Variants in AGAP1 observed in about 807,000 individuals in gnomAD.
AGAP1 encodes the protein ArfGAP with GTPase domain, ankyrin repeat and PH domain 1.
In AGAP1, 29 loss-of-function variants were observed where a neutral mutation model predicts 105.3. The observed-to-expected ratio is 0.28, with a 90% confidence interval of 0.21 to 0.38. AGAP1 has a LOEUF of 0.38. AGAP1 is among the 10% of genes least tolerant of loss of function. The pLI is 1.00. For synonymous variants in AGAP1, 509 were observed against 485.9 expected (o/e 1.05, Z -0.63); for missense variants, 998 against 1,165.1 (o/e 0.86, Z 2.09).
chr2:235,898,890 T>C (rs2050932415), intron 10 of AGAP1, among the ~76,000 whole-genome samples: 1 of 152,184 alleles, frequency 6.6e-6, no homozygotes, highest in African/African-American at 2.4e-5. Flanking sequence ...AAGACTTCTT[T>C]AGGAAATCAG....
At chr2:236,065,893 A>T (rs1351209332) in intron 16 of AGAP1, among the ~76,000 whole-genome samples, 2 of 152,172 alleles carry the variant, frequency 1.3e-5, no homozygotes, top group African/African-American at 4.8e-5. Context: ...GCATCATTAA[A>T]CGTGACAAGT....
rs867889752 is a variant in AGAP1 at position 235,840,781 on chromosome 2, T to A, written c.1050+33450T>A. 1.5e-4 allele frequency among the ~76,000 whole-genome samples: 22 copies of A among 151,616 alleles called. 1 individual carries two copies. Among genetic ancestry groups the A allele is most frequent in the African/African-American group, 4.8e-4 (20 of 41,396 alleles). On this transcript the variant is annotated intron_variant, in intron 9 of 17. Coordinates refer to ENST00000304032, the MANE Select transcript of AGAP1 (RefSeq NM_001037131.3). Reference sequence around the variant, plus strand: ...GGAGAAAGAAGAGTTTTTTTTTTTTTTATAAATGAGGGACACTTGTGCTGA... The same window carrying A: ...GGAGAAAGAAGAGTTTTTTTTTTTTATATAAATGAGGGACACTTGTGCTGA...
At chr2:235,534,057 G>A (rs1943130568) in intron 1 of AGAP1, among the ~76,000 whole-genome samples, 1 of 152,266 alleles carries the variant, frequency 6.6e-6, no homozygotes, top group East Asian at 1.9e-4. Context: ...TCCAAACACC[G>A]TCGCTGTCGA....
chr2:235,860,161 G>A (rs560925140), intron 9 of AGAP1, among the ~76,000 whole-genome samples: 25 of 152,230 alleles, frequency 1.6e-4, no homozygotes, highest in Admixed American at 5.2e-4. Flanking sequence ...ACAGTGAAAA[G>A]ATAGTTGTCA....
intron 9 of AGAP1, among the ~76,000 whole-genome samples, chr2:235,856,839 GCCT>G (rs928462991): frequency 1.6e-4 from 24 of 152,254 alleles, no homozygotes; most frequent in African/African-American, 5.8e-4. Flanking sequence ...AGACCTGAAG[GCCT>G]CCTGCAAGTG....
rs12997985 is a variant in AGAP1 at position 235,535,067 on chromosome 2, T to A, written c.163+40218T>A. 0.51 allele frequency among the ~76,000 whole-genome samples: 77,563 copies of A among 151,870 alleles called. 20,281 individuals are homozygous for A. Among genetic ancestry groups the A allele is most frequent in the Admixed American group, 0.59 (8,982 of 15,268 alleles). On this transcript the variant is annotated intron_variant, in intron 1 of 17. Coordinates refer to ENST00000304032, the MANE Select transcript of AGAP1 (RefSeq NM_001037131.3). This position sits in a 1 kb window ranked among gnomAD's most constrained non-coding sequence, Gnocchi z 5.1. Reference sequence around the variant, plus strand: ...TCGCTGGAGTTGGAGCACACATGTCTGCAGATGTAAAACGACCTGCTCCCC... The same window carrying A: ...TCGCTGGAGTTGGAGCACACATGTCAGCAGATGTAAAACGACCTGCTCCCC...
chr2:235,606,854 CA>C (rs1945955816), intron 1 of AGAP1, among the ~76,000 whole-genome samples: 1 of 144,714 alleles, frequency 6.9e-6, no homozygotes, highest in South Asian at 2.2e-4. Context: ...GAGGCTGAGG[CA>C]GGGGGATCGC....
chr2:236,063,282 G>A (rs904090540), intron 16 of AGAP1, among the ~76,000 whole-genome samples: 2 of 152,040 alleles, frequency 1.3e-5, no homozygotes, highest in Middle Eastern at 3.2e-3. Flanking sequence ...TAGAGACGGG[G>A]TTTCACCATG....
chr2:235,670,469 G>A, intron 1 of AGAP1: 1 of 523,272 alleles, frequency 1.9e-6, no homozygotes, highest in South Asian at 2.3e-5. Flanking sequence ...GGCCGGCAGC[G>A]CCCCGGCCGA....
chr2:236,065,006 T>TA (rs796391122), intron 16 of AGAP1, among the ~76,000 whole-genome samples: 1 of 152,102 alleles, frequency 6.6e-6, no homozygotes, highest in African/African-American at 2.4e-5. Flanking sequence ...ATATGACTGA[T>TA]AAAAAAAGGA....
At chr2:235,899,102 A>G (rs990846758) in intron 10 of AGAP1, among the ~76,000 whole-genome samples, 4 of 152,230 alleles carry the variant, frequency 2.6e-5, no homozygotes, top group African/African-American at 4.8e-5. Flanking sequence ...CCCTTTGTCA[A>G]GGGGAAAAAC....
chr2:236,035,396 G>T lies in AGAP1; in HGVS notation c.1646-1165G>T, dbSNP rs565807552. Among the ~76,000 whole-genome samples the T allele has an allele frequency of 9.2e-5, 14 of 152,278 alleles. No individual in the cohort carries two copies. Among genetic ancestry groups the T allele is most frequent in the Middle Eastern group, 3.4e-3 (1 of 294 alleles). On this transcript the variant is annotated intron_variant, in intron 13 of 17. Transcript: ENST00000304032. This position sits in a 1 kb window ranked among gnomAD's most constrained non-coding sequence, Gnocchi z 4.2. ...ACACTTGTCACTCAGCACTTTGGGA[G>T]GCCAAGGAGTGAGGATCACTTGAGA...
At chr2:235,825,591 C>T (rs752016116) in intron 9 of AGAP1, among the ~76,000 whole-genome samples, 2 of 152,062 alleles carry the variant, frequency 1.3e-5, no homozygotes, top group African/African-American at 4.8e-5. Context: ...ATTTTATTTT[C>T]AGTTAGGTGA....
At chr2:235,531,823 G>T (rs1943055578) in intron 1 of AGAP1, among the ~76,000 whole-genome samples, 1 of 149,964 alleles carries the variant, frequency 6.7e-6, no homozygotes, top group South Asian at 2.2e-4. Flanking sequence ...TGTTGGTCAG[G>T]CTGGTCTCGA....
intron 12 of AGAP1, among the ~76,000 whole-genome samples, chr2:235,954,970 C>G (rs192364192): frequency 3.9e-5 from 6 of 152,212 alleles, no homozygotes; most frequent in African/African-American, 1.4e-4. Context: ...CTTGGTTTGG[C>G]GTGGAGGGTA....
At chr2:235,779,288 A>G (rs890494100) in intron 6 of AGAP1, among the ~76,000 whole-genome samples, 1 of 152,210 alleles carries the variant, frequency 6.6e-6, no homozygotes, top group Non-Finnish European at 1.5e-5. Flanking sequence ...TACAATTCAC[A>G]CAGTCTCCAA....
At chr2:235,687,869 G>T (rs115916314) in intron 1 of AGAP1, among the ~76,000 whole-genome samples, 3,669 of 132,464 alleles carry the variant, frequency 0.028, 166 homozygotes, top group African/African-American at 0.096. Context: ...TTTTTTTTTT[G>T]GATTTTTCTT....
Position 235,936,601 on chromosome 2 carries a change from C to A in AGAP1, c.1483+5678C>A, listed in dbSNP as rs1288727352. Reference sequence around the variant, plus strand: ...GTCCACACCATTCATCAATTTTAATCATTATAGTTGGAGCATTTTTTTTCT... The same window carrying A: ...GTCCACACCATTCATCAATTTTAATAATTATAGTTGGAGCATTTTTTTTCT... On this transcript the variant is annotated intron_variant, in intron 12 of 17. Transcript: ENST00000304032. This position sits in a 1 kb window ranked among gnomAD's most constrained non-coding sequence, Gnocchi z 4.7. Among the ~76,000 whole-genome samples, 1 of 152,102 alleles carries A rather than the reference C, an allele frequency of 6.6e-6. No individual in the cohort carries two copies. The highest frequency in any genetic ancestry group is 1.5e-5 in the Non-Finnish European group (1 of 67,986).
Position 235,930,670 on chromosome 2 carries a change from A to C in AGAP1, c.1325-95A>C. On this transcript the variant is annotated intron_variant, in intron 11 of 17. Transcript: ENST00000304032. The surrounding 1 kb of genome is among the most constrained non-coding windows in gnomAD (Gnocchi z 7.9). ...GGGGCTGCTCTCGGTGGTAAGGTGC[A>C]CTATGTGCCAGCGTGTGGGTCCCAT... The C allele has an allele frequency of 7.9e-7, 1 of 1,268,476 alleles. No individual in the cohort carries two copies. 78.6% of individuals were successfully genotyped at this position (1,268,476 alleles called of 1,614,324 possible).
Sources: gnomAD v4.1 joint callset for allele counts (sites outside exome capture counted in the v4.1 genomes callset) on GRCh38, gnomAD v4.1.1 for gene constraint, Gnocchi (gnomAD v3.1) non-coding constraint, MANE v1.5 for transcripts, NCBI Gene and HGNC (gene_info 2026-07-23, HGNC 2026-07-21) for gene names.